Variants in UNC45B observed in about 807,000 individuals in gnomAD.
UNC45B encodes protein unc-45 homolog B.
UNC45B carries 78 observed loss-of-function variants against 98.7 expected under a neutral mutation model. The observed-to-expected ratio is 0.79, with a 90% CI of 0.66 to 0.95. The LOEUF (loss-of-function observed/expected upper bound fraction) is 0.95, where lower values mean the gene tolerates loss of function less well. UNC45B is among the 40% of genes least tolerant of loss of function. The probability of loss-of-function intolerance (pLI) is 0.00; values close to 1 mark genes in which losing one functional copy is unlikely to be tolerated. For synonymous variants in UNC45B, 462 were observed against 480.4 expected (o/e 0.96, Z 0.50); for missense variants, 1,225 against 1,184.9 (o/e 1.03, Z -0.50).
chr17:35,186,935 G>A lies in UNC45B; in HGVS notation c.*376G>A, dbSNP rs1293735904. The A allele has an allele frequency of 8.8e-6, 2 of 227,872 alleles. No individual in the cohort carries two copies. The highest frequency in any genetic ancestry group is 1.1e-4 in the East Asian group (1 of 9,128). The allele number at this position is 227,872 out of a possible 1,614,324, so 14.1% of individuals were successfully genotyped here. ...TGTGGTAAGGTAGGAACTAACGGGT[G>A]TGTGCATATAAAGGTTAATGCTGTT... On this transcript the variant is annotated 3_prime_UTR_variant, in exon 20 of 20. Transcript: ENST00000394570.
intron 1 of UNC45B, 72 bp downstream of exon 1, chr17:35,147,982 T>G: frequency 2.4e-6 from 1 of 424,108 alleles, no homozygotes; most frequent in South Asian, 2.9e-5. Flanking sequence ...GCAATGAGAG[T>G]TCAGGCCTTT....
In UNC45B at chr17:35,188,473, T is replaced by G. The variant is rs2092316218; in HGVS notation, c.*1914T>G. ...CTTGTTTGGATTGGAGAGACTTTTT[T>G]TTTTTTTTTTTTTGAGACAGGGTCT... On this transcript the variant is annotated 3_prime_UTR_variant, in exon 20 of 20. Coordinates refer to ENST00000394570, the MANE Select transcript of UNC45B (RefSeq NM_001267052.2). 1 of 151,268 alleles carries G rather than the reference T, an allele frequency of 6.6e-6. No homozygotes were observed. Among genetic ancestry groups the G allele is most frequent in the South Asian group, 2.1e-4 (1 of 4,758 alleles). The allele number at this position is 151,268 out of a possible 1,614,324, so 9.4% of individuals were successfully genotyped here.
In UNC45B at chr17:35,148,317, G is replaced by A. The variant is rs1268695899; in HGVS notation, c.54G>A (p.Gln18=). The A allele has an allele frequency of 6.2e-7, 1 of 1,614,042 alleles. No homozygotes were observed. The highest frequency in any genetic ancestry group is 1.3e-5 in the African/African-American group (1 of 74,932). ...AGGAGGAAGGAAACCGGCATTTCCAGCTCCAGGACTACAAGGCCGCCACAA... is the reference window on the plus strand; with the variant it reads ...AGGAGGAAGGAAACCGGCATTTCCAACTCCAGGACTACAAGGCCGCCACAA... ...QLKEEGNRHF[Q]LQDYKAATNS... Residue 18 remains glutamine, a synonymous_variant, in exon 2 of 20, where the codon CAG becomes CAA. Transcript: ENST00000394570.
chr17:35,180,894 G>A (rs1013344735), intron 18 of UNC45B, among the ~76,000 whole-genome samples: 5 of 152,070 alleles, frequency 3.3e-5, no homozygotes, highest in African/African-American at 9.7e-5. Context: ...ATACAAAGCT[G>A]GGGCTTTCAA....
Position 35,186,659 on chromosome 17 carries a change from G to A in UNC45B, c.*100G>A, listed in dbSNP as rs1426831494. ...GTCAGGTCATCTAGGGATCATAGCA[G>A]TGACAATGAAGTCTCAATATAAAGG... On this transcript the variant is annotated 3_prime_UTR_variant, in exon 20 of 20. Coordinates refer to ENST00000394570, the MANE Select transcript of UNC45B (RefSeq NM_001267052.2). The A allele has an allele frequency of 7.3e-7, 1 of 1,371,924 alleles. No individual in the cohort carries two copies. Among genetic ancestry groups the A allele is most frequent in the Admixed American group, 2.1e-5 (1 of 47,090 alleles). 85.0% of individuals were successfully genotyped at this position (1,371,924 alleles called of 1,614,324 possible).
chr17:35,152,388 A>G (rs1181231851), intron 4 of UNC45B, among the ~76,000 whole-genome samples: 1 of 152,006 alleles, frequency 6.6e-6, no homozygotes, highest in Non-Finnish European at 1.5e-5. Flanking sequence ...TGGAGGACCC[A>G]GGGCAGTGGG....
At chr17:35,156,179 T>C (rs1021270337) in intron 7 of UNC45B, among the ~76,000 whole-genome samples, 3 of 152,152 alleles carry the variant, frequency 2.0e-5, no homozygotes, top group African/African-American at 4.8e-5. Flanking sequence ...AGAATAGTGT[T>C]TGGCAGAGGA....
chr17:35,179,526 A>C (rs1161485769), intron 17 of UNC45B, among the ~76,000 whole-genome samples: 1 of 152,220 alleles, frequency 6.6e-6, no homozygotes, highest in Non-Finnish European at 1.5e-5. Context: ...GATAGATTGG[A>C]TTAAGAAAAT....
At chr17:35,177,277 G>A in intron 16 of UNC45B, 147 bp downstream of exon 16, 1 of 830,096 alleles carries the variant, frequency 1.2e-6, no homozygotes, top group Non-Finnish European at 1.9e-6. Context: ...CTGGATTCCA[G>A]GCCTGGTTCT....
chr17:35,159,250 G>A (rs1437662103), intron 7 of UNC45B, 125 bp from the exon 8 acceptor site: 2 of 940,082 alleles, frequency 2.1e-6, no homozygotes, highest in Non-Finnish European at 3.2e-6. Context: ...ACTCCCCTGG[G>A]AATTCACATA....
chr17:35,171,726 G>A (rs552292301), intron 13 of UNC45B, among the ~76,000 whole-genome samples: 75 of 152,330 alleles, frequency 4.9e-4, no homozygotes, highest in Admixed American at 1.7e-3. Context: ...TGGACACTTT[G>A]CAATTTGTGT....
At position 35,177,630 on chromosome 17, in the gene UNC45B, CA is replaced by C. The variant is rs2092244420; in HGVS notation, c.2255+21del. 4 of 1,525,746 alleles carry C rather than the reference CA, an allele frequency of 2.6e-6. No homozygotes were observed. The East Asian group carries it at 9.8e-5, about 37-fold the overall frequency. The allele number at this position is 1,525,746 out of a possible 1,614,324, so 94.5% of individuals were successfully genotyped here. A position where few individuals can be genotyped will look rare whatever the true frequency, so the allele number is the denominator to read the frequency against. On this transcript the variant is annotated intron_variant, in intron 17 of 19. Transcript: ENST00000394570. The stretch of plus-strand genomic sequence containing the variant: ...ACTCCGGTGAGTGTGGTGAGTGTGG[CA>C]GGGGTGGAGAGAGGTGGCTCAAAAA...
In UNC45B at chr17:35,189,204, A is replaced by C. The variant is rs2092319630; in HGVS notation, c.*2645A>C. Reference sequence around the variant, plus strand: ...TATCAGAGAACTTGGTCTGTGTCATATTAATCCTTTGCCATTTGAGAAGCA... The same window carrying C: ...TATCAGAGAACTTGGTCTGTGTCATCTTAATCCTTTGCCATTTGAGAAGCA... On this transcript the variant is annotated 3_prime_UTR_variant, in exon 20 of 20. Coordinates refer to ENST00000394570, the MANE Select transcript of UNC45B (RefSeq NM_001267052.2). 1 of 152,222 alleles carries C rather than the reference A, an allele frequency of 6.6e-6. No homozygotes were observed. Among genetic ancestry groups the C allele is most frequent in the Non-Finnish European group, 1.5e-5 (1 of 68,038 alleles). 9.4% of individuals were successfully genotyped at this position (152,222 alleles called of 1,614,324 possible).
intron 8 of UNC45B, among the ~76,000 whole-genome samples, chr17:35,159,885 G>A (rs1220486012): frequency 6.6e-6 from 1 of 152,230 alleles, no homozygotes; most frequent in Non-Finnish European, 1.5e-5. Flanking sequence ...TTTCAAAAGG[G>A]AGGAAATTGC....
chr17:35,166,514 G>T (rs543883892), intron 9 of UNC45B, among the ~76,000 whole-genome samples: 78 of 152,232 alleles, frequency 5.1e-4, no homozygotes, highest in Non-Finnish European at 7.6e-4. Context: ...GCTCCCTCCT[G>T]TCAGCCTGTG....
chr17:35,154,529 T>TG, intron 5 of UNC45B, 45 bp from the exon 6 acceptor site: 1 of 1,591,846 alleles, frequency 6.3e-7, no homozygotes, highest in South Asian at 1.2e-5. Context: ...CAGGCCTGGG[T>TG]GGCCGTACCT....
In UNC45B at chr17:35,164,143, C is replaced by T; in HGVS notation, c.1128C>T (p.Arg376=). 1 of 1,612,894 alleles carries T rather than the reference C, an allele frequency of 6.2e-7. No homozygotes were observed. The highest frequency in any genetic ancestry group is 8.5e-7 in the Non-Finnish European group (1 of 1,179,436). The change falls in exon 9 of 20, where the codon CGC becomes CGT. Residue 376 remains arginine (R), a synonymous_variant. Transcript: ENST00000394570. ...LRCDPERDHF[R]KICEEYITGK... Reference sequence around the variant, plus strand: ...GTGACCCGGAGCGCGATCACTTCCGCAAGATCTGTGAGGAATATATCACGT... The same window carrying T: ...GTGACCCGGAGCGCGATCACTTCCGTAAGATCTGTGAGGAATATATCACGT...
Position 35,168,281 on chromosome 17 carries a change from A to G in UNC45B, c.1372A>G (p.Ile458Val). 1 of 1,526,110 alleles carries G rather than the reference A, an allele frequency of 6.6e-7. No homozygotes were observed. Among genetic ancestry groups the G allele is most frequent in the Non-Finnish European group, 8.8e-7 (1 of 1,135,534 alleles). The allele number at this position is 1,526,110 out of a possible 1,614,324, so 94.5% of individuals were successfully genotyped here. ...ASTKLSRATF[I>V]ITNGVSLLKQ... ...CACGAAGCTCAGCCGCGCCACCTTC[A>G]TCATCACCAATGGAGTGTCACTGCT... Residue 458 changes from isoleucine (I) to valine (V), a missense_variant, in exon 10 of 20, where the codon ATC becomes GTC. By Grantham distance (29) the Ile-to-Val change is conservative. Coordinates refer to ENST00000394570, the MANE Select transcript of UNC45B (RefSeq NM_001267052.2).
chr17:35,157,819 G>A (rs570659720), intron 7 of UNC45B, among the ~76,000 whole-genome samples: 1 of 152,124 alleles, frequency 6.6e-6, no homozygotes. Context: ...GTCTTTGGAT[G>A]GTTTGTTCAT....
Sources: allele counts gnomAD v4.1 joint callset (sites outside exome capture counted in the v4.1 genomes callset), GRCh38; gene constraint gnomAD v4.1.1; transcripts MANE v1.5; gene names NCBI Gene and HGNC (gene_info 2026-07-23, HGNC 2026-07-21).